The following AARD variants were observed in gnomAD, a reference collection of about 807,000 sequenced individuals.
AARD encodes the protein alanine and arginine rich domain containing protein.
Under a neutral mutation model 9.3 loss-of-function variants are expected in AARD, and 9 were observed. The ratio of observed to expected loss-of-function variants is 0.97; its 90% confidence interval spans 0.58 to 1.69. The LOEUF (loss-of-function observed/expected upper bound fraction) is 1.69. AARD is among the 40% of genes most tolerant of loss of function. The pLI is 0.00. For missense variants in AARD, 236 were observed against 210.3 expected (o/e 1.12, Z -0.76); for synonymous variants, 91 against 93.8 (o/e 0.97, Z 0.17).
chr8:116,942,628 T>C lies in AARD; in HGVS notation c.395T>C (p.Leu132Ser). ...LLDLNMKVQQ[L>S]KKEYELEITS... ...GACCTAAACATGAAAGTGCAGCAAT[T>C]GAAAAAGGAGTATGAACTGGAAATT... The change falls in exon 2 of 2, where the codon TTG becomes TCG. Residue 132 changes from leucine to serine, a missense_variant. Transcript: ENST00000378279. The C allele has an allele frequency of 1.6e-5, 26 of 1,613,790 alleles. No individual in the cohort carries two copies. The highest frequency in any genetic ancestry group is 2.2e-5 in the Non-Finnish European group (26 of 1,179,924).
chr8:116,942,412 C>T lies in AARD; in HGVS notation c.325-146C>T, dbSNP rs533264806. On this transcript the variant is annotated intron_variant, in intron 1 of 1. Coordinates refer to ENST00000378279, the MANE Select transcript of AARD (RefSeq NM_001025357.3). ...TTATAGCCAGACCAAACAGTTAAAA[C>T]TGGAGAATAAGATGAGAAATACATC... The T allele has an allele frequency of 1.8e-4, 138 of 748,176 alleles. 1 individual carries two copies. Among genetic ancestry groups the T allele is most frequent in the Non-Finnish European group, 2.7e-4 (132 of 495,370 alleles). The allele number at this position is 748,176 out of a possible 1,614,324, so 46.3% of individuals were successfully genotyped here. A position where few individuals can be genotyped will look rare whatever the true frequency, so the allele number is the denominator to read the frequency against.
chr8:116,942,096 C>T (rs1054450056), intron 1 of AARD, among the ~76,000 whole-genome samples: 12 of 152,142 alleles, frequency 7.9e-5, no homozygotes, highest in African/African-American at 2.9e-4. Context: ...TGTTTTTGCT[C>T]AGCAGGTAGA....
intron 1 of AARD, among the ~76,000 whole-genome samples, chr8:116,941,389 T>G (rs1227691375): frequency 6.6e-6 from 1 of 152,082 alleles, no homozygotes; most frequent in Non-Finnish European, 1.5e-5. Context: ...ACTGGCAAGG[T>G]TTCTGACCAG....
chr8:116,938,483 G>C lies in AARD; in HGVS notation c.240G>C (p.Gln80His). Reference sequence around the variant, plus strand: ...AGCGCGCGATCTCGAGGCGCGTGCAGGAGGCGGCGGCGGCGGCGGCGGCGC... The same window carrying C: ...AGCGCGCGATCTCGAGGCGCGTGCACGAGGCGGCGGCGGCGGCGGCGGCGC... ...AVQRAISRRV[Q>H]EAAAAAAARE... Residue 80 changes from glutamine to histidine, a missense_variant, in exon 1 of 2, where the codon CAG (glutamine) becomes CAC (histidine). Physicochemically the swap from Gln to His is conservative, Grantham distance 24. Coordinates refer to ENST00000378279, the MANE Select transcript of AARD (RefSeq NM_001025357.3). 7 of 1,564,490 alleles carry C rather than the reference G, an allele frequency of 4.5e-6. No homozygotes were observed. Among genetic ancestry groups the C allele is most frequent in the Non-Finnish European group, 6.0e-6 (7 of 1,158,646 alleles).
intron 1 of AARD, chr8:116,938,772 G>T (rs1372342406): frequency 1.1e-5 from 8 of 699,312 alleles, no homozygotes; most frequent in Non-Finnish European, 1.7e-5. Context: ...GGGGGCGGGG[G>T]TGCCTGGTCT....
rs34149347 is a variant in AARD, at chr8:116,942,539, AT to A, written c.325-12del. 3.8e-6 allele frequency: 6 copies of A among 1,590,592 alleles called. No individual in the cohort carries two copies. In the Middle Eastern group the frequency reaches 6.7e-4, roughly 177 times the overall value. On this transcript the variant is annotated intron_variant, in intron 1 of 1. Transcript: ENST00000378279. ...TGCATCTCAGGCTAATAAAATTTTTATTTTTTTCTAACTTTTAGGTGGAAAT... is the reference window on the plus strand; with the variant it reads ...TGCATCTCAGGCTAATAAAATTTTTATTTTTTCTAACTTTTAGGTGGAAAT...
chr8:116,944,477 T>G lies in AARD; in HGVS notation c.*1776T>G, dbSNP rs1027965494. 1 of 152,162 alleles carries G rather than the reference T, an allele frequency of 6.6e-6. No homozygotes were observed. The highest frequency in any genetic ancestry group is 2.4e-5 in the African/African-American group (1 of 41,428). The allele number at this position is 152,162 out of a possible 1,614,324, so 9.4% of individuals were successfully genotyped here. ...AAAAATAAAATAAATGCAAGTTGTT[T>G]TATGTGTGTGAGGATCTGAGAATTA... On this transcript the variant is annotated 3_prime_UTR_variant, in exon 2 of 2. Coordinates refer to ENST00000378279, the MANE Select transcript of AARD (RefSeq NM_001025357.3).
intron 1 of AARD, chr8:116,938,786 A>G (rs938095727): frequency 5.0e-6 from 3 of 596,586 alleles, no homozygotes; most frequent in South Asian, 6.6e-5. Flanking sequence ...CTGGTCTACC[A>G]GTGACATACC....
chr8:116,942,999 CAAAAA>C lies in AARD; in HGVS notation c.*316_*320del. 8.2e-5 allele frequency: 3 copies of C among 36,758 alleles called. No individual in the cohort carries two copies. Among genetic ancestry groups the C allele is most frequent in the Non-Finnish European group, 1.8e-4 (3 of 16,850 alleles). 2.3% of individuals were successfully genotyped at this position (36,758 alleles called of 1,614,324 possible). ...TGGGTGACAGAGCAAGACTCCATCT[CAAAAA>C]AAAAAAAAAAAAAAAAAGCACACGC... is the stretch of plus-strand genomic sequence containing the variant. On this transcript the variant is annotated 3_prime_UTR_variant, in exon 2 of 2. Transcript: ENST00000378279.
At chr8:116,941,083 A>G (rs1458650964) in intron 1 of AARD, among the ~76,000 whole-genome samples, 1 of 152,148 alleles carries the variant, frequency 6.6e-6, no homozygotes, top group Non-Finnish European at 1.5e-5. Context: ...ACACACAGAG[A>G]ACCTACTAGG....
At chr8:116,941,019 C>T (rs76995443) in intron 1 of AARD, among the ~76,000 whole-genome samples, 1,764 of 152,146 alleles carry the variant, frequency 0.012, 34 homozygotes, top group African/African-American at 0.039. Context: ...AAGTACAGGA[C>T]GGATATTCAT....
rs1464733243 is a variant in AARD at position 116,938,495 on chromosome 8, G to C, written c.252G>C (p.Ala84=). The C allele has an allele frequency of 7.2e-6, 11 of 1,538,370 alleles. No homozygotes were observed. The highest frequency in any genetic ancestry group is 8.7e-6 in the Non-Finnish European group (10 of 1,147,342). The part of the protein sequence containing the change: ...AISRRVQEAA[A]AAAAREEQSW... ...CGAGGCGCGTGCAGGAGGCGGCGGCGGCGGCGGCGGCGCGGGAGGAGCAGA... is the reference window on the plus strand; with the variant it reads ...CGAGGCGCGTGCAGGAGGCGGCGGCCGCGGCGGCGGCGCGGGAGGAGCAGA... Residue 84 remains alanine, a synonymous_variant, in exon 1 of 2, where the codon GCG becomes GCC. Transcript: ENST00000378279.
Position 116,938,448 on chromosome 8 carries a change from TG to T in AARD, c.208del (p.Ala70ArgfsTer56), listed in dbSNP as rs752762151. The T allele has an allele frequency of 1.0e-5, 16 of 1,605,712 alleles. No homozygotes were observed. Among genetic ancestry groups the T allele is most frequent in the Non-Finnish European group, 1.4e-5 (16 of 1,176,976 alleles). ...ACGACGGCTGACGCGCGCCTTCCAG[TG>T]GGCGGTGCAGCGCGCGATCTCGAGG... ...LRRRLTRAFQ[W>X]AVQRAISRRV... On this transcript the variant is annotated frameshift_variant, in exon 1 of 2. Transcript: ENST00000378279. LOFTEE classifies it high-confidence loss of function.
chr8:116,939,260 T>G (rs1358645712), intron 1 of AARD, among the ~76,000 whole-genome samples: 1 of 152,202 alleles, frequency 6.6e-6, no homozygotes, highest in African/African-American at 2.4e-5. Context: ...ACTAATACAA[T>G]TAACCACTAC....
intron 1 of AARD, among the ~76,000 whole-genome samples, chr8:116,941,426 A>C (rs1315500080): frequency 3.9e-5 from 6 of 152,210 alleles, no homozygotes; most frequent in Non-Finnish European, 5.9e-5. Context: ...CATGGGAAAG[A>C]GGGCCAGGAA....
Position 116,943,772 on chromosome 8 carries a change from T to C in AARD, c.*1071T>C, listed in dbSNP as rs1317893074. Reference sequence around the variant, plus strand: ...TATAAGACTCCAGGCCTTGCTCTTGTTTATGTACATGAAATATTCTGATAT... The same window carrying C: ...TATAAGACTCCAGGCCTTGCTCTTGCTTATGTACATGAAATATTCTGATAT... On this transcript the variant is annotated 3_prime_UTR_variant, in exon 2 of 2. Coordinates refer to ENST00000378279, the MANE Select transcript of AARD (RefSeq NM_001025357.3). 6 of 152,186 alleles carry C rather than the reference T, an allele frequency of 3.9e-5. No individual in the cohort carries two copies. The highest frequency in any genetic ancestry group is 5.9e-5 in the Non-Finnish European group (4 of 68,028). 9.4% of individuals were successfully genotyped at this position (152,186 alleles called of 1,614,324 possible).
intron 1 of AARD, among the ~76,000 whole-genome samples, chr8:116,940,355 C>T (rs1015863381): frequency 1.8e-4 from 27 of 152,242 alleles, no homozygotes; most frequent in African/African-American, 6.5e-4. Context: ...AGACCTTGGA[C>T]TCTGACTGTA....
chr8:116,941,686 T>C (rs1044063996), intron 1 of AARD, among the ~76,000 whole-genome samples: 1 of 152,232 alleles, frequency 6.6e-6, no homozygotes, highest in African/African-American at 2.4e-5. Context: ...AGTAGCTTTA[T>C]TTTGCAAATC....
chr8:116,943,683 A>G lies in AARD; in HGVS notation c.*982A>G, dbSNP rs570955769. ...TGGAGGTGACTGAAACGGAACCACT[A>G]AAAGCACAAAAGGGGAGGGAGGGAG... On this transcript the variant is annotated 3_prime_UTR_variant, in exon 2 of 2. Transcript: ENST00000378279. 9 of 151,974 alleles carry G rather than the reference A, an allele frequency of 5.9e-5. No individual in the cohort carries two copies. The highest frequency in any genetic ancestry group is 8.8e-5 in the Non-Finnish European group (6 of 68,018). The allele number at this position is 151,974 out of a possible 1,614,324, so 9.4% of individuals were successfully genotyped here. A position where few individuals can be genotyped will look rare whatever the true frequency, so the allele number is the denominator to read the frequency against.
Sources: gnomAD v4.1 joint callset for allele counts (sites outside exome capture counted in the v4.1 genomes callset) on GRCh38, gnomAD v4.1.1 for gene constraint, MANE v1.5 for transcripts, NCBI Gene and HGNC (gene_info 2026-07-23, HGNC 2026-07-21) for gene names.